Variants in TGM3 observed in about 807,000 individuals in gnomAD.
TGM3 encodes transglutaminase 3.
Under a neutral mutation model 73.8 loss-of-function variants are expected in TGM3, and 52 were observed. The observed-to-expected ratio is 0.70, with a 90% CI of 0.56 to 0.89. The LOEUF (loss-of-function observed/expected upper bound fraction) is 0.89, where lower values mean the gene tolerates loss of function less well. TGM3 is among the 40% of genes least tolerant of loss of function. The probability of loss-of-function intolerance (pLI) is 0.00; values close to 1 mark genes in which losing one functional copy is unlikely to be tolerated. For synonymous variants in TGM3, 372 were observed against 354.9 expected, an observed-to-expected ratio of 1.05 and a Z score of -0.54; for missense variants, 928 against 909.9, an observed-to-expected ratio of 1.02 and a Z score of -0.26.
At chr20:2,313,400 G>A (rs1303398995) in intron 5 of TGM3, among the ~76,000 whole-genome samples, 2 of 152,190 alleles carry the variant, frequency 1.3e-5, no homozygotes, top group South Asian at 4.1e-4. Context: ...GAAAGGAAGC[G>A]AGACCCTGAT....
At chr20:2,311,150 C>A in intron 4 of TGM3, 21 bp downstream of exon 4, 1 of 1,600,082 alleles carries the variant, frequency 6.2e-7, no homozygotes, top group Non-Finnish European at 8.6e-7. Context: ...CATAAGGAAG[C>A]TAAGGGTAAT....
At chr20:2,339,802 G>A (rs1429679369) in intron 11 of TGM3, 52 bp from the exon 12 acceptor site, 2 of 1,611,128 alleles carry the variant, frequency 1.2e-6, no homozygotes, top group Non-Finnish European at 1.7e-6. Flanking sequence ...CCAAGGTGCA[G>A]GCAGGGGCTG....
At position 2,314,116 on chromosome 20, in the gene TGM3, G is replaced by A. The variant is rs544915330; in HGVS notation, c.669+1090G>A. 1.4e-3 allele frequency among the ~76,000 whole-genome samples: 211 copies of A among 152,124 alleles called. 1 individual carries two copies. Among genetic ancestry groups the A allele is most frequent in the Non-Finnish European group, 2.6e-3 (179 of 68,008 alleles). ...GCCAAGGAGGTGGAGATTGTGGTGA[G>A]CCAAGATCATGCCACTGCGCTCCAG... On this transcript the variant is annotated intron_variant, in intron 5 of 12. Coordinates refer to ENST00000381458, the MANE Select transcript of TGM3 (RefSeq NM_003245.4).
rs571976695 is a variant in TGM3, at chr20:2,328,065, C to T, written c.1088-55C>T. ...TCCTGGAAGGCCCTGGGGAATCGGG[C>T]ACTGGGTAGGTTGTGGCCTTGGCAT... On this transcript the variant is annotated intron_variant, in intron 8 of 12. Coordinates refer to ENST00000381458, the MANE Select transcript of TGM3 (RefSeq NM_003245.4). This position sits in a 1 kb window ranked among gnomAD's most constrained non-coding sequence, Gnocchi z 5.2. 3.0e-5 allele frequency: 49 copies of T among 1,607,578 alleles called. No individual in the cohort carries two copies. Among genetic ancestry groups the T allele is most frequent in the Non-Finnish European group, 4.0e-5 (47 of 1,175,854 alleles).
chr20:2,312,747 C>T (rs1319364709), intron 4 of TGM3, 151 bp from the exon 5 acceptor site: 3 of 1,066,634 alleles, frequency 2.8e-6, no homozygotes, highest in South Asian at 3.0e-5. Flanking sequence ...GAGGGCTGGG[C>T]ATGGTGGCTG....
intron 5 of TGM3, among the ~76,000 whole-genome samples, chr20:2,315,286 C>A (rs1190464954): frequency 1.3e-5 from 2 of 152,220 alleles, no homozygotes; most frequent in Admixed American, 6.5e-5. Context: ...GGGCCATGAA[C>A]TAATTATGGC....
chr20:2,330,488 A>G (rs892064706), intron 9 of TGM3, among the ~76,000 whole-genome samples: 1 of 152,184 alleles, frequency 6.6e-6, no homozygotes, highest in Non-Finnish European at 1.5e-5. Context: ...TCTTTTTAGC[A>G]GGGTGTGTGG....
intron 7 of TGM3, among the ~76,000 whole-genome samples, chr20:2,322,287 T>C (rs972366493): frequency 6.6e-6 from 1 of 152,218 alleles, no homozygotes; most frequent in Non-Finnish European, 1.5e-5. Context: ...ATCTTTTCTC[T>C]CTGAGTTATT....
At chr20:2,326,819 G>A (rs970555262) in intron 8 of TGM3, among the ~76,000 whole-genome samples, 7 of 151,664 alleles carry the variant, frequency 4.6e-5, no homozygotes, top group African/African-American at 7.3e-5. Context: ...GTGGCACTCC[G>A]GCCTGGGAGA....
intron 7 of TGM3, among the ~76,000 whole-genome samples, chr20:2,322,110 G>A (rs528110823): frequency 5.3e-5 from 8 of 151,966 alleles, no homozygotes; most frequent in Non-Finnish European, 7.4e-5. Flanking sequence ...TCCTTGGTGA[G>A]TTCTAACCGA....
Position 2,339,852 on chromosome 20 carries a change from A to G in TGM3, c.1801-2A>G. 6.2e-7 allele frequency: 1 copy of G among 1,613,890 alleles called. No individual in the cohort carries two copies. The highest frequency in any genetic ancestry group is 2.2e-5 in the East Asian group (1 of 44,854). On this transcript the variant is annotated splice_acceptor_variant, in intron 11 of 12. Transcript: ENST00000381458. LOFTEE classifies it high-confidence loss of function. Reference sequence around the variant, plus strand: ...TGACTCGGCAGCCCCTCTCCCCCATAGGTGCTGAACGAGGCTCGTGTGCGG... The same window carrying G: ...TGACTCGGCAGCCCCTCTCCCCCATGGGTGCTGAACGAGGCTCGTGTGCGG...
chr20:2,298,618 T>A (rs1466924621), intron 1 of TGM3, among the ~76,000 whole-genome samples: 2 of 152,208 alleles, frequency 1.3e-5, no homozygotes, highest in Admixed American at 6.5e-5. Flanking sequence ...AAAGGACCTG[T>A]ACCATTCCCA....
intron 9 of TGM3, among the ~76,000 whole-genome samples, chr20:2,329,138 G>A (rs1215959518): frequency 2.0e-5 from 3 of 152,170 alleles, no homozygotes; most frequent in Non-Finnish European, 4.4e-5. Context: ...CCTAAATGGG[G>A]TCAACATTTC....
intron 9 of TGM3, among the ~76,000 whole-genome samples, chr20:2,330,111 G>A (rs1292525547): frequency 6.6e-6 from 1 of 152,174 alleles, no homozygotes; most frequent in Non-Finnish European, 1.5e-5. Context: ...CGACAGGACA[G>A]ATCACCCTGC....
chr20:2,335,476 C>T (rs1600709473), intron 11 of TGM3, among the ~76,000 whole-genome samples: 1 of 152,250 alleles, frequency 6.6e-6, no homozygotes, highest in East Asian at 1.9e-4. Flanking sequence ...CGTGTTCCTG[C>T]TCCCTGTCTG....
At chr20:2,318,425 A>C (rs2084246823) in intron 7 of TGM3, among the ~76,000 whole-genome samples, 1 of 152,258 alleles carries the variant, frequency 6.6e-6, no homozygotes, top group African/African-American at 2.4e-5. Context: ...TGCCACTGGA[A>C]GTAGGAAATG....
At chr20:2,313,335 G>T (rs1156643979) in intron 5 of TGM3, among the ~76,000 whole-genome samples, 5 of 152,162 alleles carry the variant, frequency 3.3e-5, no homozygotes, top group African/African-American at 1.2e-4. Flanking sequence ...TTGAGTGCCT[G>T]CCAAGGATGG....
intron 7 of TGM3, among the ~76,000 whole-genome samples, chr20:2,322,014 C>T (rs1387871141): frequency 6.6e-6 from 1 of 151,684 alleles, no homozygotes; most frequent in Non-Finnish European, 1.5e-5. Context: ...GAGTGTGAAA[C>T]TTGGTGTCCT....
rs920134906 is a variant in TGM3, at chr20:2,335,226, G to T, written c.1753G>T (p.Val585Leu). Residue 585 changes from valine to leucine, a missense_variant, in exon 11 of 13, where the codon GTG becomes TTG. Val to Leu is a conservative substitution (Grantham distance 32). Transcript: ENST00000381458. ...CAAGGTCCCAGATGAGTCTGAGGTG[G>T]TGGTGGAGCGGGACATCATCCTGGA... ...VCKVPDESEV[V>L]VERDIILDNP... The T allele has an allele frequency of 1.9e-6, 3 of 1,614,230 alleles. No homozygotes were observed. Among genetic ancestry groups the T allele is most frequent in the African/African-American group, 1.3e-5 (1 of 75,048 alleles).
Sources: allele counts gnomAD v4.1 joint callset (sites outside exome capture counted in the v4.1 genomes callset), GRCh38; gene constraint gnomAD v4.1.1; non-coding constraint Gnocchi (gnomAD v3.1); transcripts MANE v1.5; gene names NCBI Gene and HGNC (gene_info 2026-07-23, HGNC 2026-07-21).